CCM2: variants seen among roughly 807,000 people sequenced by gnomAD.
CCM2 encodes the protein cerebral cavernous malformations 2 protein.
CCM2 carries 25 observed loss-of-function variants against 44.9 expected under a neutral mutation model. That is an observed-to-expected ratio of 0.56 (90% CI 0.41 to 0.78). The LOEUF (loss-of-function observed/expected upper bound fraction) is 0.78. CCM2 is among the 30% of genes least tolerant of loss of function. The pLI, the probability that CCM2 is intolerant of heterozygous loss-of-function variation, is 0.00. For missense variants in CCM2, 481 were observed against 580.6 expected, an observed-to-expected ratio of 0.83 and a Z score of 1.76; for synonymous variants, 219 against 241.1, an observed-to-expected ratio of 0.91 and a Z score of 0.85.
intron 1 of CCM2, among the ~76,000 whole-genome samples, chr7:45,035,635 T>TG (rs1336204772): frequency 4.6e-5 from 7 of 152,092 alleles, no homozygotes; most frequent in Admixed American, 2.6e-4. Flanking sequence ...AGAAGGCGGA[T>TG]GCAGGGGTGG....
At chr7:45,004,714 C>A (rs2079321) in intron 1 of CCM2, among the ~76,000 whole-genome samples, 131,963 of 152,144 alleles carry the variant, frequency 0.87, 57,537 homozygotes, top group African/African-American at 0.96. Flanking sequence ...CTTTCTATTA[C>A]AACTGGTGGT....
At chr7:45,047,080 G>T (rs1321720114) in intron 2 of CCM2, among the ~76,000 whole-genome samples, 1 of 152,194 alleles carries the variant, frequency 6.6e-6, no homozygotes, top group Non-Finnish European at 1.5e-5. Context: ...TGCTGGAGAA[G>T]ATGTGGAGGA....
intron 2 of CCM2, among the ~76,000 whole-genome samples, chr7:45,057,608 G>T (rs867239335): frequency 2.6e-5 from 4 of 152,228 alleles, no homozygotes; most frequent in South Asian, 4.1e-4. Flanking sequence ...ATCTACATTT[G>T]GTTTATATGA....
At chr7:45,023,787 GTTTTTTTTTTTTTTTTTTTTTTTT>G (rs10596429) in intron 1 of CCM2, among the ~76,000 whole-genome samples, 6 of 58,616 alleles carry the variant, frequency 1.0e-4, no homozygotes, top group South Asian at 7.2e-4. Flanking sequence ...CTCTGTATCA[GTTTTTTTTTTTTTTTTTTTTTTTT>G]TTTTTTTTTT....
intron 8 of CCM2, 163 bp from the exon 9 acceptor site, chr7:45,074,107 G>T: frequency 1.4e-6 from 2 of 1,465,208 alleles, no homozygotes; most frequent in Non-Finnish European, 1.8e-6. Context: ...AGGTCTGGTA[G>T]GATGGGGACA....
intron 2 of CCM2, among the ~76,000 whole-genome samples, chr7:45,042,681 A>G (rs1474584092): frequency 6.6e-6 from 1 of 152,186 alleles, no homozygotes; most frequent in African/African-American, 2.4e-5. Context: ...AACTCCACAC[A>G]CAGTGGGCCA....
intron 2 of CCM2, among the ~76,000 whole-genome samples, chr7:45,055,435 TC>T (rs1340315073): frequency 6.6e-6 from 1 of 152,194 alleles, no homozygotes; most frequent in Non-Finnish European, 1.5e-5. Context: ...ATGCCTGTAA[TC>T]CCAGCACTTT....
chr7:45,012,660 ATCT>A (rs1187309311), intron 1 of CCM2, among the ~76,000 whole-genome samples: 7 of 151,242 alleles, frequency 4.6e-5, no homozygotes, highest in Non-Finnish European at 1.0e-4. Flanking sequence ...GGCTCAAGTG[ATCT>A]TCTGCCTCAG....
At chr7:45,000,922 C>T (rs1264643701) in intron 1 of CCM2, among the ~76,000 whole-genome samples, 1 of 152,138 alleles carries the variant, frequency 6.6e-6, no homozygotes, top group East Asian at 1.9e-4. Flanking sequence ...CAAAATGTGG[C>T]TTTAATTACA....
intron 2 of CCM2, among the ~76,000 whole-genome samples, chr7:45,059,239 G>A (rs970164782): frequency 1.3e-5 from 2 of 152,014 alleles, no homozygotes; most frequent in Admixed American, 6.5e-5. Flanking sequence ...CTGCCTGGTC[G>A]TGGTGTATAA....
chr7:45,043,210 C>T (rs1368137970), intron 2 of CCM2, among the ~76,000 whole-genome samples: 2 of 152,030 alleles, frequency 1.3e-5, no homozygotes, highest in African/African-American at 4.8e-5. Flanking sequence ...CTCAAGCAGT[C>T]CTCCCACCTC....
At position 45,069,834 on chromosome 7, in the gene CCM2, G is replaced by A. The variant is rs1425329823; in HGVS notation, c.618G>A (p.Ala206=). The A allele has an allele frequency of 1.6e-5, 26 of 1,614,024 alleles. No homozygotes were observed. Among genetic ancestry groups the A allele is most frequent in the East Asian group, 1.3e-4 (6 of 44,908 alleles). The part of the protein sequence containing the change: ...VILAAESKVA[A]EELCCLLGQV... ...GCTGTCCCCCACTGCAGGTCGCTGCGGAGGAGCTTTGCTGTCTGCTAGGCC... is the reference window on the plus strand; with the variant it reads ...GCTGTCCCCCACTGCAGGTCGCTGCAGAGGAGCTTTGCTGTCTGCTAGGCC... Residue 206 remains alanine (A), a synonymous_variant, in exon 6 of 10, where the codon GCG becomes GCA. Transcript: ENST00000258781.
rs1043711376 is a variant in CCM2, at chr7:45,075,963, C to G, written c.1241C>G (p.Ala414Gly). 1.2e-6 allele frequency: 2 copies of G among 1,613,054 alleles called. No individual in the cohort carries two copies. The highest frequency in any genetic ancestry group is 1.7e-5 in the Admixed American group (1 of 60,006). ...RATGSSDDRS[A>G]PSEGDEWDRM... ...ACGGGCAGCTCTGATGACCGGTCGG[C>G]ACCCTCAGAGGGGGATGAGTGGGAC... is the stretch of plus-strand genomic sequence containing the variant. The change falls in exon 10 of 10, where the codon GCA (alanine) becomes GGA (glycine). Residue 414 changes from alanine (A) to glycine (G), a missense_variant. Coordinates refer to ENST00000258781, the MANE Select transcript of CCM2 (RefSeq NM_031443.4).
chr7:45,023,785 CAGTTTTTTTTTT>C (rs1796575435), intron 1 of CCM2, among the ~76,000 whole-genome samples: 1 of 55,948 alleles, frequency 1.8e-5, no homozygotes. Context: ...AGCTCTGTAT[CAGTTTTTTTTTT>C]TTTTTTTTTT....
upstream of CCM2, chr7:44,999,790 A>C (rs1160588250): frequency 2.2e-6 from 1 of 450,800 alleles, no homozygotes; most frequent in Admixed American, 2.4e-5. Flanking sequence ...AAATTGAAAA[A>C]GTTGGAGCTG....
chr7:45,065,195 T>G (rs950783278), intron 4 of CCM2, among the ~76,000 whole-genome samples: 5 of 152,110 alleles, frequency 3.3e-5, no homozygotes, highest in Admixed American at 6.5e-5. Context: ...ATGTTATTTT[T>G]GGCTGTGGTG....
At chr7:45,036,979 G>A in intron 1 of CCM2, among the ~76,000 whole-genome samples, 1 of 152,086 alleles carries the variant, frequency 6.6e-6, no homozygotes, top group African/African-American at 2.4e-5. Flanking sequence ...TGGAGGAGAT[G>A]GTGGGGAATA....
Position 45,064,650 on chromosome 7 carries a change from C to T in CCM2, c.472+4C>T. ...CACCTGGTGGTCCTGAAGACAGGTACAGGAGGTCAGGGGTCAGGAGGGTCC... is the reference window on the plus strand; with the variant it reads ...CACCTGGTGGTCCTGAAGACAGGTATAGGAGGTCAGGGGTCAGGAGGGTCC... On this transcript the variant is annotated splice_donor_region_variant and intron_variant, in intron 4 of 9. Transcript: ENST00000258781. 1 of 1,613,714 alleles carries T rather than the reference C, an allele frequency of 6.2e-7. No homozygotes were observed. The highest frequency in any genetic ancestry group is 8.5e-7 in the Non-Finnish European group (1 of 1,179,984).
At chr7:45,066,249 G>C (rs965020496) in intron 4 of CCM2, among the ~76,000 whole-genome samples, 3 of 152,136 alleles carry the variant, frequency 2.0e-5, no homozygotes, top group Admixed American at 2.0e-4. Flanking sequence ...TGGATGCACC[G>C]GAGCAGTTGT....
Sources: allele counts gnomAD v4.1 joint callset (sites outside exome capture counted in the v4.1 genomes callset), GRCh38; gene constraint gnomAD v4.1.1; transcripts MANE v1.5; gene names NCBI Gene and HGNC (gene_info 2026-07-23, HGNC 2026-07-21).